Variants in KCTD16 observed in about 807,000 individuals in gnomAD.
KCTD16 encodes potassium channel tetramerization domain containing 16.
In KCTD16, 13 loss-of-function variants were observed where a neutral mutation model predicts 33.2. That is an observed-to-expected ratio of 0.39 (90% confidence interval 0.25 to 0.62). KCTD16 has a LOEUF of 0.62. KCTD16 is among the 20% of genes least tolerant of loss of function. The probability of loss-of-function intolerance (pLI) is 0.50; values close to 1 mark genes in which losing one functional copy is unlikely to be tolerated. For missense variants in KCTD16, 441 were observed against 525.1 expected, an observed-to-expected ratio of 0.84 and a Z score of 1.57; for synonymous variants, 197 against 195.3, an observed-to-expected ratio of 1.01 and a Z score of -0.07.
At chr5:144,223,955 A>T (rs577636337) in intron 3 of KCTD16, among the ~76,000 whole-genome samples, 21 of 148,728 alleles carry the variant, frequency 1.4e-4, no homozygotes, top group South Asian at 4.2e-4. Context: ...GTTTTTTTTT[A>T]AAAAAACCCG....
chr5:144,208,949 T>C (rs1753279135), intron 3 of KCTD16, among the ~76,000 whole-genome samples: 1 of 152,236 alleles, frequency 6.6e-6, no homozygotes, highest in African/African-American at 2.4e-5. Context: ...GGTATTGTCT[T>C]CTTCCTTTTG....
intron 3 of KCTD16, among the ~76,000 whole-genome samples, chr5:144,266,287 A>G (rs1755139922): frequency 6.6e-6 from 1 of 152,174 alleles, no homozygotes; most frequent in Non-Finnish European, 1.5e-5. Context: ...TAAAAAACTG[A>G]GAGAGACACC....
intron 2 of KCTD16, chr5:144,205,216 C>T (rs1162776917): frequency 4.0e-6 from 1 of 252,128 alleles, no homozygotes; most frequent in East Asian, 7.2e-5. Flanking sequence ...CCCCGCGCGC[C>T]TGGCAATCGC....
At chr5:144,361,387 C>A (rs1751709564) in intron 3 of KCTD16, among the ~76,000 whole-genome samples, 1 of 152,092 alleles carries the variant, frequency 6.6e-6, no homozygotes, top group African/African-American at 2.4e-5. Flanking sequence ...TTGTGGTCTT[C>A]CACAAAAAGA....
rs76262031 is a variant in KCTD16, at chr5:144,387,305, T to A, written c.833-86355T>A. 4.2e-4 allele frequency among the ~76,000 whole-genome samples: 64 copies of A among 152,236 alleles called. No individual in the cohort carries two copies. The East Asian group carries it at 0.012, about 29-fold the overall frequency. Reference sequence around the variant, plus strand: ...AGCACTTTCATGTATAGTGTCTTTATCATTTTCTCACAACCTCATGGTGGT... The same window carrying A: ...AGCACTTTCATGTATAGTGTCTTTAACATTTTCTCACAACCTCATGGTGGT... On this transcript the variant is annotated intron_variant, in intron 3 of 3. Transcript: ENST00000512467.
At chr5:144,223,369 AG>A (rs1259346209) in intron 3 of KCTD16, among the ~76,000 whole-genome samples, 3 of 152,238 alleles carry the variant, frequency 2.0e-5, no homozygotes, top group African/African-American at 7.2e-5. Context: ...ACATCATTAA[AG>A]TAACAAAACA....
chr5:144,478,732 C>T lies in KCTD16; in HGVS notation c.*4618C>T, dbSNP rs1020198941. The T allele has an allele frequency of 6.6e-6, 1 of 152,014 alleles. No individual in the cohort carries two copies. The highest frequency in any genetic ancestry group is 1.5e-5 in the Non-Finnish European group (1 of 67,948). 9.4% of individuals were successfully genotyped at this position (152,014 alleles called of 1,614,324 possible). A position where few individuals can be genotyped will look rare whatever the true frequency, so the allele number is the denominator to read the frequency against. ...AGAGTTCCTTTACTCCTTAGAAGCA[C>T]TTCCTCATTTTCTCTTACTTTCTTC... On this transcript the variant is annotated 3_prime_UTR_variant, in exon 4 of 4. Transcript: ENST00000512467.
At chr5:144,394,146 T>C (rs1015446892) in intron 3 of KCTD16, among the ~76,000 whole-genome samples, 1 of 152,162 alleles carries the variant, frequency 6.6e-6, no homozygotes, top group African/African-American at 2.4e-5. Flanking sequence ...CATTTCACAT[T>C]GGTACTCATT....
In KCTD16 at chr5:144,347,274, G is replaced by A. The variant is rs547692016; in HGVS notation, c.833-126386G>A. On this transcript the variant is annotated intron_variant, in intron 3 of 3. Transcript: ENST00000512467. ...GCTACTGTATTGGACAACACAGTTT[G>A]GTAGGAGAGGCAGACTTTAAAGAAG... Among the ~76,000 whole-genome samples the A allele has an allele frequency of 3.5e-4, 54 of 152,236 alleles. 3 individuals carry two copies. In the South Asian group the frequency reaches 0.011, roughly 31 times the overall value.
chr5:144,222,734 C>T (rs936079374), intron 3 of KCTD16, among the ~76,000 whole-genome samples: 3 of 152,142 alleles, frequency 2.0e-5, no homozygotes, highest in Non-Finnish European at 2.9e-5. Flanking sequence ...GACAGCGTAG[C>T]GATTCCTCAA....
intron 3 of KCTD16, among the ~76,000 whole-genome samples, chr5:144,345,805 G>C (rs991324116): frequency 6.6e-6 from 1 of 152,038 alleles, no homozygotes. Context: ...TACATCATGG[G>C]GAATAGGGTA....
At chr5:144,271,366 A>G (rs944292714) in intron 3 of KCTD16, among the ~76,000 whole-genome samples, 2 of 152,154 alleles carry the variant, frequency 1.3e-5, no homozygotes, top group African/African-American at 2.4e-5. Context: ...AAATCAATCA[A>G]TGTCATACAT....
At chr5:144,312,160 C>T (rs1266178954) in intron 3 of KCTD16, among the ~76,000 whole-genome samples, 1 of 152,122 alleles carries the variant, frequency 6.6e-6, no homozygotes, top group Non-Finnish European at 1.5e-5. Flanking sequence ...TATCCCAAAT[C>T]AAAGAAATAG....
At chr5:144,376,025 A>G (rs1275772148) in intron 3 of KCTD16, among the ~76,000 whole-genome samples, 2 of 152,030 alleles carry the variant, frequency 1.3e-5, no homozygotes, top group African/African-American at 2.4e-5. Flanking sequence ...GGGTTTCACC[A>G]TGTTGGCTAG....
intron 3 of KCTD16, among the ~76,000 whole-genome samples, chr5:144,391,134 A>T (rs568787323): frequency 6.6e-6 from 1 of 152,272 alleles, no homozygotes; most frequent in South Asian, 2.1e-4. Flanking sequence ...CTAACTTGGC[A>T]TATTGCATCA....
intron 3 of KCTD16, among the ~76,000 whole-genome samples, chr5:144,241,467 G>A (rs1014125021): frequency 6.6e-6 from 1 of 152,076 alleles, no homozygotes; most frequent in African/African-American, 2.4e-5. Flanking sequence ...ATCAATTAAA[G>A]GCACAATATT....
At chr5:144,346,152 C>T (rs244529) in intron 3 of KCTD16, among the ~76,000 whole-genome samples, 50,881 of 151,816 alleles carry the variant, frequency 0.34, 9,211 homozygotes, top group African/African-American at 0.47. Context: ...CATAATGCTC[C>T]CCAGTTCCAT....
intron 1 of KCTD16, among the ~76,000 whole-genome samples, chr5:144,173,644 GAA>G (rs956571581): frequency 5.9e-5 from 9 of 152,106 alleles, no homozygotes; most frequent in African/African-American, 2.2e-4. Context: ...GCCTGTTTAG[GAA>G]TGAATTATTA....
intron 3 of KCTD16, among the ~76,000 whole-genome samples, chr5:144,394,663 C>A (rs1158863891): frequency 3.9e-5 from 6 of 152,188 alleles, no homozygotes; most frequent in African/African-American, 1.4e-4. Context: ...TCATGCTGTT[C>A]TTGTGATAGT....
Sources: gnomAD v4.1 joint callset for allele counts (sites outside exome capture counted in the v4.1 genomes callset) on GRCh38, gnomAD v4.1.1 for gene constraint, MANE v1.5 for transcripts, NCBI Gene and HGNC (gene_info 2026-07-23, HGNC 2026-07-21) for gene names.